PAFAH1B1: variants seen among roughly 807,000 people sequenced by gnomAD.
PAFAH1B1 encodes the protein platelet activating factor acetylhydrolase 1b regulatory subunit 1.
Under a neutral mutation model 57.5 loss-of-function variants are expected in PAFAH1B1, and 2 were observed. The ratio of observed to expected loss-of-function variants is 0.03; its 90% CI spans 0.01 to 0.11. PAFAH1B1 has a LOEUF of 0.11. Ranked by LOEUF, PAFAH1B1 falls within the 10% of genes least tolerant of loss-of-function variation. The pLI is 1.00. For missense variants in PAFAH1B1, 257 were observed against 512.0 expected (o/e 0.50, Z 4.81); for synonymous variants, 152 against 169.6 (o/e 0.90, Z 0.81).
intron 1 of PAFAH1B1, 67 bp downstream of exon 1, chr17:2,594,073 G>A (rs2068055131): frequency 5.0e-6 from 2 of 396,796 alleles, no homozygotes; most frequent in Non-Finnish European, 8.9e-6. Flanking sequence ...CTGCAGGCCG[G>A]ACCCGGCGGC....
rs541766383 is a variant in PAFAH1B1, at chr17:2,665,793, G to A, written c.118-223G>A. Among the ~76,000 whole-genome samples the A allele has an allele frequency of 3.9e-5, 6 of 152,030 alleles. No individual in the cohort carries two copies. In the South Asian group the frequency reaches 1.2e-3, roughly 32 times the overall value. On this transcript the variant is annotated intron_variant, in intron 3 of 10. Transcript: ENST00000397195. ...ATTTTTGTATTTTTAGTAGAGACGG[G>A]GTCTCGCCATGTTGGCCAGGCTGGT... is the stretch of plus-strand genomic sequence containing the variant.
At chr17:2,671,492 G>A (rs1371512294) in intron 6 of PAFAH1B1, among the ~76,000 whole-genome samples, 3 of 148,798 alleles carry the variant, frequency 2.0e-5, no homozygotes, top group South Asian at 2.1e-4. Flanking sequence ...CGTGAGCCAC[G>A]TAAGGTCTAT....
At chr17:2,604,386 G>C (rs941693801) in intron 1 of PAFAH1B1, among the ~76,000 whole-genome samples, 4 of 152,140 alleles carry the variant, frequency 2.6e-5, no homozygotes. Flanking sequence ...AGTGTACTTG[G>C]TATTTTAAAG....
chr17:2,642,452 A>G (rs772864877), intron 2 of PAFAH1B1: 1 of 152,246 alleles, frequency 6.6e-6, no homozygotes, highest in African/African-American at 2.4e-5. Context: ...TTCAGTCTGT[A>G]TGTATAAGGC....
chr17:2,659,035 GAGATC>G (rs1327232859), intron 2 of PAFAH1B1, among the ~76,000 whole-genome samples: 2 of 151,764 alleles, frequency 1.3e-5, no homozygotes, highest in Non-Finnish European at 2.9e-5. Context: ...CGAATCACTT[GAGATC>G]ATGAATTCAA....
intron 2 of PAFAH1B1, among the ~76,000 whole-genome samples, chr17:2,643,206 C>T (rs967286213): frequency 6.6e-6 from 1 of 151,948 alleles, no homozygotes; most frequent in Non-Finnish European, 1.5e-5. Context: ...GATTGTTACA[C>T]CTCAGCCTCC....
In PAFAH1B1 at chr17:2,681,835, C is replaced by T. The variant is rs1274390431; in HGVS notation, c.*33C>T. 2.0e-6 allele frequency: 3 copies of T among 1,477,910 alleles called. No individual in the cohort carries two copies. The highest frequency in any genetic ancestry group is 1.4e-5 in the African/African-American group (1 of 72,580). 91.5% of individuals were successfully genotyped at this position (1,477,910 alleles called of 1,614,324 possible). ...TCCTTCGGCCCCTCCTCCCTCTTTT[C>T]CTCTGGATGCACTCTGATGATACCA... On this transcript the variant is annotated 3_prime_UTR_variant, in exon 11 of 11. Transcript: ENST00000397195.
At chr17:2,658,720 A>G (rs1316357179) in intron 2 of PAFAH1B1, among the ~76,000 whole-genome samples, 2 of 152,226 alleles carry the variant, frequency 1.3e-5, no homozygotes, top group Non-Finnish European at 2.9e-5. Flanking sequence ...ATAAGGTCTC[A>G]TTATAACCTC....
At chr17:2,609,731 C>T (rs367844789) in intron 1 of PAFAH1B1, among the ~76,000 whole-genome samples, 7 of 151,626 alleles carry the variant, frequency 4.6e-5, no homozygotes, top group Non-Finnish European at 8.8e-5. Context: ...AGGCTGGTCT[C>T]GAACTCCTGA....
intron 2 of PAFAH1B1, among the ~76,000 whole-genome samples, chr17:2,643,257 T>C (rs535434999): frequency 3.3e-5 from 5 of 152,118 alleles, no homozygotes; most frequent in Admixed American, 3.3e-4. Flanking sequence ...GCCACCATGC[T>C]CAGCTAATTT....
At chr17:2,598,076 G>A (rs527567081) in intron 1 of PAFAH1B1, among the ~76,000 whole-genome samples, 3 of 151,884 alleles carry the variant, frequency 2.0e-5, no homozygotes, top group Non-Finnish European at 2.9e-5. Flanking sequence ...GTGAAACCCC[G>A]TCTCTACTAA....
chr17:2,676,373 G>A (rs1330310996), intron 8 of PAFAH1B1, 132 bp from the exon 9 acceptor site: 12 of 670,244 alleles, frequency 1.8e-5, no homozygotes, highest in Non-Finnish European at 2.7e-5. Flanking sequence ...GCCAGACTCC[G>A]TCTGAAAACA....
At chr17:2,620,030 A>G (rs1022333642) in intron 1 of PAFAH1B1, among the ~76,000 whole-genome samples, 13 of 152,166 alleles carry the variant, frequency 8.5e-5, no homozygotes, top group African/African-American at 2.7e-4. Flanking sequence ...GATTGAAGCA[A>G]TCCTCTGGCC....
chr17:2,622,801 G>C lies in PAFAH1B1; in HGVS notation c.-190-15298G>C, dbSNP rs151275297. Among the ~76,000 whole-genome samples the C allele has an allele frequency of 3.1e-3, 473 of 152,346 alleles. 3 individuals are homozygous for C. The highest frequency in any genetic ancestry group is 0.01 in the Middle Eastern group (3 of 294). On this transcript the variant is annotated intron_variant, in intron 1 of 10. Coordinates refer to ENST00000397195, the MANE Select transcript of PAFAH1B1 (RefSeq NM_000430.4). Reference sequence around the variant, plus strand: ...CACTGCCTTAGCAGAGGTTCTCCATGAGGGCCCTGTCCCTGCAGCAAACTT... The same window carrying C: ...CACTGCCTTAGCAGAGGTTCTCCATCAGGGCCCTGTCCCTGCAGCAAACTT...
At chr17:2,667,754 A>C (rs1412619600) in intron 5 of PAFAH1B1, among the ~76,000 whole-genome samples, 1 of 151,978 alleles carries the variant, frequency 6.6e-6, no homozygotes. Flanking sequence ...GCTTTCCAGG[A>C]GTGTGGGAAT....
intron 3 of PAFAH1B1, among the ~76,000 whole-genome samples, 190 bp downstream of exon 3, chr17:2,665,646 G>A (rs758606315): frequency 8.6e-5 from 13 of 151,854 alleles, no homozygotes; most frequent in Non-Finnish European, 1.6e-4. Flanking sequence ...TTGTCTCCCA[G>A]GCTGGAGTGC....
chr17:2,677,391 C>T (rs551747459), intron 9 of PAFAH1B1, among the ~76,000 whole-genome samples: 3 of 152,176 alleles, frequency 2.0e-5, no homozygotes, highest in South Asian at 4.1e-4. Context: ...TTCCTATGTG[C>T]CTAAAGGAGT....
chr17:2,606,246 CAT>C (rs543384829), intron 1 of PAFAH1B1, among the ~76,000 whole-genome samples: 133 of 152,260 alleles, frequency 8.7e-4, no homozygotes, highest in African/African-American at 3.1e-3. Flanking sequence ...AGGAGGGCTT[CAT>C]GTGTGTAGGA....
chr17:2,653,105 T>C (rs2068886958), intron 2 of PAFAH1B1, among the ~76,000 whole-genome samples: 1 of 151,366 alleles, frequency 6.6e-6, no homozygotes, highest in Non-Finnish European at 1.5e-5. Context: ...AAAGGATGAG[T>C]TTGTGCCCTT....
Sources: allele counts gnomAD v4.1 joint callset (sites outside exome capture counted in the v4.1 genomes callset), GRCh38; gene constraint gnomAD v4.1.1; transcripts MANE v1.5; gene names NCBI Gene and HGNC (gene_info 2026-07-23, HGNC 2026-07-21).